The following IL12A variants were observed in gnomAD, a reference collection of about 807,000 sequenced individuals.
IL12A encodes interleukin 12A.
A neutral mutation model predicts 23.5 loss-of-function variants in IL12A; 16 were observed. That is an observed-to-expected ratio of 0.68 (90% CI 0.46 to 1.03). The LOEUF is 1.03. Ranked by LOEUF, IL12A falls within the 50% of genes least tolerant of loss-of-function variation. The pLI is 0.00. For synonymous variants in IL12A, 106 were observed against 111.5 expected (o/e 0.95, Z 0.31); for missense variants, 275 against 307.0 (o/e 0.90, Z 0.78).
chr3:159,993,755 A>G lies in IL12A; in HGVS notation c.517A>G (p.Lys173Glu). The G allele has an allele frequency of 6.2e-7, 1 of 1,614,138 alleles. No individual in the cohort carries two copies. Among genetic ancestry groups the G allele is most frequent in the East Asian group, 2.2e-5 (1 of 44,892 alleles). The change falls in exon 6 of 7, where the codon AAG (lysine) becomes GAG (glutamate). Residue 173 changes from lysine to glutamate, a missense_variant. Coordinates refer to ENST00000305579, the MANE Select transcript of IL12A (RefSeq NM_000882.4). Reference sequence around the variant, plus strand: ...CTTGAAGATGTACCAGGTGGAGTTCAAGACCATGAATGCAAAGCTTCTGAT... The same window carrying G: ...CTTGAAGATGTACCAGGTGGAGTTCGAGACCATGAATGCAAAGCTTCTGAT...
chr3:159,992,954 T>C (rs1392405568), intron 2 of IL12A, 58 bp from the exon 3 acceptor site: 5 of 1,025,864 alleles, frequency 4.9e-6, no homozygotes, highest in African/African-American at 3.2e-5. Context: ...ACCAGCCTTG[T>C]GGGGTGCCAG....
chr3:159,989,688 C>T (rs1004518070), intron 1 of IL12A, among the ~76,000 whole-genome samples: 8 of 152,154 alleles, frequency 5.3e-5, no homozygotes, highest in African/African-American at 1.7e-4. Context: ...GAGTCTAAGG[C>T]AGGGAAAATT....
chr3:159,989,234 G>A (rs1426579061), intron 1 of IL12A, 60 bp downstream of exon 1: 42 of 1,345,102 alleles, frequency 3.1e-5, no homozygotes, highest in Non-Finnish European at 4.4e-5. Flanking sequence ...GGCTGCTTGG[G>A]AAGAGTGGGT....
At chr3:159,992,246 T>G (rs1265207278) in intron 2 of IL12A, among the ~76,000 whole-genome samples, 1 of 152,180 alleles carries the variant, frequency 6.6e-6, no homozygotes, top group African/African-American at 2.4e-5. Flanking sequence ...TTCCTGCCCC[T>G]CCTCAGAAGC....
At chr3:159,989,553 G>A (rs973632914) in intron 1 of IL12A, among the ~76,000 whole-genome samples, 1 of 152,146 alleles carries the variant, frequency 6.6e-6, no homozygotes, top group Non-Finnish European at 1.5e-5. Context: ...AGGCCAAGGC[G>A]GACAGATCTC....
Position 159,989,162 on chromosome 3 carries a change from T to A in IL12A, c.106T>A (p.Cys36Ser). ...GTCCCTGCAGTGCCGGCTCAGCATG[T>A]GTCCAGCGCGCAGTGAGTACTCAGC... Residue 36 changes from cysteine (C) to serine (S), a missense_variant, in exon 1 of 7, where the codon TGT becomes AGT. Cys to Ser is a moderately radical substitution (Grantham distance 112, BLOSUM62 -1). Transcript: ENST00000305579. 2.5e-6 allele frequency: 4 copies of A among 1,611,824 alleles called. No homozygotes were observed. The highest frequency in any genetic ancestry group is 2.5e-6 in the Non-Finnish European group (3 of 1,179,508).
intron 2 of IL12A, 27 bp from the exon 3 acceptor site, chr3:159,992,985 A>T (rs768505894): frequency 1.5e-6 from 2 of 1,373,054 alleles, no homozygotes; most frequent in South Asian, 2.3e-5. Flanking sequence ...AATGTTATAA[A>T]CTGAGTTTCT....
chr3:159,990,035 A>G, intron 1 of IL12A, 132 bp from the exon 2 acceptor site: 2 of 831,508 alleles, frequency 2.4e-6, no homozygotes, highest in Non-Finnish European at 3.8e-6. Flanking sequence ...TTGAAGGAAA[A>G]GTGTTGGAAA....
intron 2 of IL12A, 33 bp from the exon 3 acceptor site, chr3:159,992,979 T>C: frequency 3.8e-6 from 5 of 1,328,158 alleles, no homozygotes; most frequent in Non-Finnish European, 5.4e-6. Flanking sequence ...ATTATCAATG[T>C]TATAAACTGA....
Position 159,989,190 on chromosome 3 carries a change from G to T in IL12A, c.118+16G>T. On this transcript the variant is annotated intron_variant, in intron 1 of 6. Transcript: ENST00000305579. ...CCAGCGCGCAGTGAGTACTCAGCCC[G>T]CCAGGTCTTTGGCTCGCTCGGGTGC... 6.2e-7 allele frequency: 1 copy of T among 1,602,308 alleles called. No homozygotes were observed. Among genetic ancestry groups the T allele is most frequent in the African/African-American group, 1.3e-5 (1 of 74,722 alleles).
chr3:159,994,966 C>A (rs1442273044), intron 6 of IL12A, among the ~76,000 whole-genome samples: 2 of 152,186 alleles, frequency 1.3e-5, no homozygotes, highest in East Asian at 3.8e-4. Flanking sequence ...CCAGGTTTAT[C>A]TGACACAAAT....
At position 159,990,171 on chromosome 3, in the gene IL12A, C is replaced by T. The variant is rs1720249228; in HGVS notation, c.123C>T (p.Leu41=). 6.2e-7 allele frequency: 1 copy of T among 1,614,010 alleles called. No homozygotes were observed. The highest frequency in any genetic ancestry group is 1.3e-5 in the African/African-American group (1 of 75,028). Residue 41 remains leucine, a synonymous_variant, in exon 2 of 7, where the codon CTC becomes CTT. Transcript: ENST00000305579. ...ACCTGCTCCTCTTCCTTCCAGGCCT[C>T]CTCCTTGTGGCTACCCTGGTCCTCC...
intron 2 of IL12A, 83 bp downstream of exon 2, chr3:159,990,395 G>A (rs1720260839): frequency 2.2e-6 from 3 of 1,380,392 alleles, no homozygotes; most frequent in Non-Finnish European, 3.0e-6. Context: ...GGTACCTGAT[G>A]GAACTGCAGA....
chr3:159,993,337 A>C (rs1720382444), intron 3 of IL12A, 114 bp from the exon 4 acceptor site: 1 of 821,282 alleles, frequency 1.2e-6, no homozygotes, highest in African/African-American at 1.7e-5. Context: ...AATAGTTCAG[A>C]TGCTAAATAT....
Position 159,989,183 on chromosome 3 carries a change from T to G in IL12A, c.118+9T>G, listed in dbSNP as rs777530345. Reference sequence around the variant, plus strand: ...CATGTGTCCAGCGCGCAGTGAGTACTCAGCCCGCCAGGTCTTTGGCTCGCT... The same window carrying G: ...CATGTGTCCAGCGCGCAGTGAGTACGCAGCCCGCCAGGTCTTTGGCTCGCT... On this transcript the variant is annotated intron_variant, in intron 1 of 6. Transcript: ENST00000305579. 21 of 1,607,920 alleles carry G rather than the reference T, an allele frequency of 1.3e-5. No homozygotes were observed. The East Asian group carries it at 1.6e-4, about 12-fold the overall frequency.
chr3:159,992,156 G>A (rs1363869035), intron 2 of IL12A, among the ~76,000 whole-genome samples: 1 of 152,150 alleles, frequency 6.6e-6, no homozygotes, highest in Non-Finnish European at 1.5e-5. Context: ...TGTTACCTCT[G>A]TCTGAAATTT....
rs964398253 is a variant in IL12A, at chr3:159,993,833, G to C, written c.595G>C (p.Glu199Gln). ...TCAAAACATGCTGGCAGTTATTGAT[G>C]AGCTGATGCAGGTAAGACTTCATTC... is the stretch of plus-strand genomic sequence containing the variant. The change falls in exon 6 of 7, where the codon GAG (glutamate) becomes CAG (glutamine). Residue 199 changes from glutamate (E) to glutamine (Q), a missense_variant. Coordinates refer to ENST00000305579, the MANE Select transcript of IL12A (RefSeq NM_000882.4). 2 of 1,613,948 alleles carry C rather than the reference G, an allele frequency of 1.2e-6. No individual in the cohort carries two copies. The highest frequency in any genetic ancestry group is 2.7e-5 in the African/African-American group (2 of 74,906).
intron 1 of IL12A, 133 bp downstream of exon 1, chr3:159,989,307 T>C: frequency 4.3e-6 from 3 of 703,722 alleles, no homozygotes; most frequent in Non-Finnish European, 7.3e-6. Flanking sequence ...CAAAGAGGAA[T>C]AAGAATAGGG....
chr3:159,990,219 A>G lies in IL12A; in HGVS notation c.171A>G (p.Arg57=), dbSNP rs1264497591. Residue 57 remains arginine, a synonymous_variant, in exon 2 of 7, where the codon AGA becomes AGG. Coordinates refer to ENST00000305579, the MANE Select transcript of IL12A (RefSeq NM_000882.4). ...TCCTGGACCACCTCAGTTTGGCCAGAAACCTCCCCGTGGCCACTCCAGACC... is the reference window on the plus strand; with the variant it reads ...TCCTGGACCACCTCAGTTTGGCCAGGAACCTCCCCGTGGCCACTCCAGACC... The G allele has an allele frequency of 1.2e-6, 2 of 1,614,126 alleles. No homozygotes were observed. The highest frequency in any genetic ancestry group is 2.7e-5 in the African/African-American group (2 of 75,036).
Sources: gnomAD v4.1 joint callset for allele counts (sites outside exome capture counted in the v4.1 genomes callset) on GRCh38, gnomAD v4.1.1 for gene constraint, MANE v1.5 for transcripts, NCBI Gene and HGNC (gene_info 2026-07-23, HGNC 2026-07-21) for gene names.